Variants in RNF115 observed in about 807,000 individuals in gnomAD.
RNF115 encodes the protein E3 ubiquitin-protein ligase RNF115.
A neutral mutation model predicts 39.2 loss-of-function variants in RNF115; 31 were observed. The ratio of observed to expected loss-of-function variants is 0.79; its 90% CI spans 0.59 to 1.07. The LOEUF (loss-of-function observed/expected upper bound fraction) is 1.07. RNF115 is among the 50% of genes least tolerant of loss of function. The pLI is 0.00. For synonymous variants in RNF115, 124 were observed against 131.0 expected (o/e 0.95, Z 0.37); for missense variants, 384 against 381.7 (o/e 1.01, Z -0.05).
Position 145,752,585 on chromosome 1 carries a change from C to CTTTTTTTTTTT in RNF115, c.500+382_500+392dup, listed in dbSNP as rs60257682. ...CATCTACATACTCACCTATGCAGCTCTTTTTTTTTTTTTTTTTTTTTGAGA... is the reference window on the plus strand; with the variant it reads ...CATCTACATACTCACCTATGCAGCTCTTTTTTTTTTTTTTTTTTTTTTTTTTTTTTTTGAGA... On this transcript the variant is annotated intron_variant, in intron 5 of 8. Coordinates refer to ENST00000582693, the MANE Select transcript of RNF115 (RefSeq NM_014455.4). Among the ~76,000 whole-genome samples, 89 of 83,758 alleles carry CTTTTTTTTTTT rather than the reference C, an allele frequency of 1.1e-3. 18 individuals carry two copies. Among genetic ancestry groups the CTTTTTTTTTTT allele is most frequent in the African/African-American group, 4.8e-3 (83 of 17,414 alleles). The allele number at this position is 83,758 out of a possible 152,430, so 54.9% of individuals were successfully genotyped here. A position where few individuals can be genotyped will look rare whatever the true frequency, so the allele number is the denominator to read the frequency against.
intron 4 of RNF115, among the ~76,000 whole-genome samples, chr1:145,767,700 CG>C (rs1553715198): frequency 2.0e-5 from 3 of 152,182 alleles, no homozygotes. Flanking sequence ...ACTGAGTGAA[CG>C]CAACTCCGTC....
intron 4 of RNF115, 144 bp from the exon 5 acceptor site, chr1:145,753,193 A>G: frequency 3.3e-6 from 2 of 609,376 alleles, no homozygotes; most frequent in Admixed American, 3.0e-5. Flanking sequence ...ATCAGAAATC[A>G]GCCTGCCACA....
In RNF115 at chr1:145,772,023, G is replaced by GTT. The variant is rs1553715855; in HGVS notation, c.220-105_220-104insAA. 2.0e-5 allele frequency: 18 copies of GTT among 899,660 alleles called. No individual in the cohort carries two copies. The South Asian group carries it at 3.1e-4, about 15-fold the overall frequency. The allele number at this position is 899,660 out of a possible 1,614,324, so 55.7% of individuals were successfully genotyped here. ...ACAAATGGCCACTGTGAATATTACT[G>GTT]TATGTCTTCTTCTGCAGAGGTACCA... On this transcript the variant is annotated intron_variant, in intron 3 of 8. Transcript: ENST00000582693.
intron 4 of RNF115, among the ~76,000 whole-genome samples, chr1:145,760,270 A>G (rs1658449196): frequency 6.6e-6 from 1 of 152,168 alleles, no homozygotes; most frequent in Non-Finnish European, 1.5e-5. Context: ...AAAATTTAAA[A>G]ATTAGCTGGG....
intron 4 of RNF115, among the ~76,000 whole-genome samples, chr1:145,754,778 C>T (rs782622822): frequency 5.5e-4 from 83 of 152,240 alleles, no homozygotes; most frequent in Non-Finnish European, 7.6e-4. Context: ...CTATTCTCTG[C>T]TTCTATGAAT....
intron 3 of RNF115, among the ~76,000 whole-genome samples, chr1:145,774,527 T>C (rs1436126636): frequency 3.3e-5 from 5 of 152,060 alleles, no homozygotes; most frequent in Admixed American, 3.3e-4. Flanking sequence ...TTTTTTATAT[T>C]TGCAGTAGAG....
chr1:145,802,271 G>C (rs1553720972), intron 1 of RNF115, among the ~76,000 whole-genome samples: 3 of 152,048 alleles, frequency 2.0e-5, no homozygotes, highest in Non-Finnish European at 4.4e-5. Flanking sequence ...TCTGAATCGA[G>C]AACAACTCCC....
intron 7 of RNF115, among the ~76,000 whole-genome samples, chr1:145,748,649 G>T (rs10399658): frequency 0.5 from 76,447 of 151,782 alleles, 20,049 homozygotes; most frequent in East Asian, 0.7. Flanking sequence ...GTTAATGAGG[G>T]TGAAGGCGGG....
At position 145,746,649 on chromosome 1, in the gene RNF115, A is replaced by G. The variant is rs1657889499; in HGVS notation, c.*217T>C. On this transcript the variant is annotated 3_prime_UTR_variant, in exon 9 of 9. Coordinates refer to ENST00000582693, the MANE Select transcript of RNF115 (RefSeq NM_014455.4). ...TAAGTTTCACACTTATAAAATTATC[A>G]CTCTGAATTCAGGGATAAGAGGCAT... 2.0e-6 allele frequency: 1 copy of G among 507,970 alleles called. No homozygotes were observed. Among genetic ancestry groups the G allele is most frequent in the Non-Finnish European group, 3.5e-6 (1 of 288,778 alleles). The allele number at this position is 507,970 out of a possible 1,614,324, so 31.5% of individuals were successfully genotyped here. A position where few individuals can be genotyped will look rare whatever the true frequency, so the allele number is the denominator to read the frequency against.
chr1:145,788,669 A>C (rs1648498661), intron 2 of RNF115: 6 of 636,142 alleles, frequency 9.4e-6, no homozygotes, highest in Non-Finnish European at 1.7e-5. Context: ...AATCAGGAGC[A>C]GTGCGTATCA....
chr1:145,823,792 C>T lies in RNF115; in HGVS notation c.82G>A (p.Glu28Lys), dbSNP rs1309140996. 1.9e-6 allele frequency: 3 copies of T among 1,582,020 alleles called. No individual in the cohort carries two copies. The highest frequency in any genetic ancestry group is 2.6e-6 in the Non-Finnish European group (3 of 1,167,456). ...CTTACCGGTAGTTTGGGGCTGACCTCGCCCTTGCAAAAGTGGCAGAAAAAC... is the reference window on the plus strand; with the variant it reads ...CTTACCGGTAGTTTGGGGCTGACCTTGCCCTTGCAAAAGTGGCAGAAAAAC... ...HRFFCHFCKG[E>K]VSPKLPEYIC... is the part of the protein sequence containing the mutation. The change falls in exon 1 of 9, where the codon GAG (glutamate) becomes AAG (lysine). Residue 28 changes from glutamate (E) to lysine (K), a missense_variant. Glu to Lys is a moderately conservative substitution (Grantham distance 56). Transcript: ENST00000582693.
chr1:145,764,897 G>C (rs181430603), intron 4 of RNF115, among the ~76,000 whole-genome samples: 2,977 of 152,300 alleles, frequency 0.02, 39 homozygotes, highest in Non-Finnish European at 0.03. Context: ...CCCTCTGCCC[G>C]GCCACCACCC....
intron 4 of RNF115, among the ~76,000 whole-genome samples, chr1:145,754,784 T>C (rs782215888): frequency 2.0e-5 from 3 of 152,260 alleles, no homozygotes. Flanking sequence ...TCTGCTTCTA[T>C]GAATTCATTG....
chr1:145,783,818 A>G (rs1189627278), intron 3 of RNF115, among the ~76,000 whole-genome samples: 2 of 151,916 alleles, frequency 1.3e-5, no homozygotes, highest in Non-Finnish European at 2.9e-5. Flanking sequence ...AACAGTTACA[A>G]TGGTTTCTTT....
rs1429838607 is a variant in RNF115, at chr1:145,739,381, G to C, written c.*7485C>G. ...CTTGGCAAGGACCTGCCAAATGTGG[G>C]AGCTAAGGTTTGTGGGAACGGAAAG... On this transcript the variant is annotated 3_prime_UTR_variant, in exon 9 of 9. Coordinates refer to ENST00000582693, the MANE Select transcript of RNF115 (RefSeq NM_014455.4). 1 of 152,172 alleles carries C rather than the reference G, an allele frequency of 6.6e-6. No individual in the cohort carries two copies. Among genetic ancestry groups the C allele is most frequent in the Non-Finnish European group, 1.5e-5 (1 of 68,038 alleles). 9.4% of individuals were successfully genotyped at this position (152,172 alleles called of 1,614,324 possible).
At chr1:145,758,797 T>C (rs10910840) in intron 4 of RNF115, among the ~76,000 whole-genome samples, 73,147 of 152,052 alleles carry the variant, frequency 0.48, 17,914 homozygotes, top group East Asian at 0.7. Context: ...TCCCATGTTT[T>C]TGTAGCAGTA....
intron 2 of RNF115, 94 bp downstream of exon 2, chr1:145,788,813 TA>T: frequency 1.1e-6 from 1 of 898,050 alleles, no homozygotes; most frequent in African/African-American, 1.6e-5. Flanking sequence ...CTGTAGAGTG[TA>T]AGTTGTAAAA....
In RNF115 at chr1:145,784,553, T is replaced by C. The variant is rs1020440000; in HGVS notation, c.205A>G (p.Thr69Ala). 1.4e-5 allele frequency: 22 copies of C among 1,613,866 alleles called. No individual in the cohort carries two copies. The African/African-American group carries it at 1.7e-4, about 13-fold the overall frequency. The change falls in exon 3 of 9, where the codon ACA becomes GCA. Residue 69 changes from threonine (T) to alanine (A), a missense_variant. By Grantham distance (58) the Thr-to-Ala change is moderately conservative (BLOSUM62 0). Coordinates refer to ENST00000582693, the MANE Select transcript of RNF115 (RefSeq NM_014455.4). ...GGSRIDNTTT[T>A]HFAELWGHLD... ...GGAAAACTTACCTCTGCAAAATGTG[T>C]TGTTGTGGTATTGTCTATCCGACTG...
chr1:145,790,329 G>A (rs587760634), intron 1 of RNF115, among the ~76,000 whole-genome samples: 37 of 150,592 alleles, frequency 2.5e-4, no homozygotes, highest in African/African-American at 8.8e-4. Context: ...TATTAGAGAC[G>A]GGGTTTCTCC....
Sources: gnomAD v4.1 joint callset for allele counts (sites outside exome capture counted in the v4.1 genomes callset) on GRCh38, gnomAD v4.1.1 for gene constraint, MANE v1.5 for transcripts, NCBI Gene and HGNC (gene_info 2026-07-23, HGNC 2026-07-21) for gene names.